LMX1A: variants seen among roughly 807,000 people sequenced by gnomAD.
The protein encoded by LMX1A is LIM homeobox transcription factor 1-alpha.
LMX1A carries 15 observed loss-of-function variants against 49.1 expected under a neutral mutation model. That is an observed-to-expected ratio of 0.31 (90% confidence interval 0.20 to 0.47). The LOEUF (loss-of-function observed/expected upper bound fraction) is 0.47. Ranked by LOEUF, LMX1A falls within the 20% of genes least tolerant of loss-of-function variation. LMX1A has a pLI of 1.00. For synonymous variants in LMX1A, 167 were observed against 185.7 expected (o/e 0.90, Z 0.82); for missense variants, 372 against 475.8 (o/e 0.78, Z 2.03).
chr1:165,318,060 G>A (rs1390686231), intron 3 of LMX1A, among the ~76,000 whole-genome samples: 1 of 152,196 alleles, frequency 6.6e-6, no homozygotes, highest in African/African-American at 2.4e-5. Flanking sequence ...TTGGAGAGAG[G>A]CTGAGGTAAC....
chr1:165,210,146 G>A (rs955599487), intron 6 of LMX1A, among the ~76,000 whole-genome samples: 1 of 152,198 alleles, frequency 6.6e-6, no homozygotes, highest in Non-Finnish European at 1.5e-5. Flanking sequence ...ACAGTCCACA[G>A]GGCACATGTA....
intron 3 of LMX1A, among the ~76,000 whole-genome samples, chr1:165,352,433 C>T (rs1571239154): frequency 1.3e-5 from 2 of 152,350 alleles, no homozygotes; most frequent in Middle Eastern, 3.4e-3. Flanking sequence ...CTAAAAGCCC[C>T]TGCATCCGAG....
At chr1:165,341,141 T>C (rs1656062607) in intron 3 of LMX1A, among the ~76,000 whole-genome samples, 1 of 152,162 alleles carries the variant, frequency 6.6e-6, no homozygotes, top group African/African-American at 2.4e-5. Context: ...CTAACCACAG[T>C]ATGAAACTGA....
intron 4 of LMX1A, among the ~76,000 whole-genome samples, chr1:165,228,438 T>G (rs1476663031): frequency 2.0e-5 from 3 of 152,208 alleles, no homozygotes; most frequent in East Asian, 3.8e-4. Context: ...ATCTAATCAC[T>G]TCTCTGTATT....
chr1:165,215,695 A>C lies in LMX1A; in HGVS notation c.497-1882T>G, dbSNP rs1459392860. Among the ~76,000 whole-genome samples, 3 of 152,162 alleles carry C rather than the reference A, an allele frequency of 2.0e-5. No homozygotes were observed. The East Asian group carries it at 5.8e-4, about 29-fold the overall frequency. ...TCCTTCCACGAACATTTGAACATAC[A>C]AGGTTGAACATGAAGGGAACACTAA... On this transcript the variant is annotated intron_variant, in intron 4 of 8. Coordinates refer to ENST00000342310, the MANE Select transcript of LMX1A (RefSeq NM_177398.4).
In LMX1A at chr1:165,230,859, C is replaced by T. The variant is rs114528208; in HGVS notation, c.497-17046G>A. 7.5e-3 allele frequency among the ~76,000 whole-genome samples: 1,141 copies of T among 152,176 alleles called. 21 individuals are homozygous for T. The highest frequency in any genetic ancestry group is 0.026 in the African/African-American group (1,091 of 41,530). On this transcript the variant is annotated intron_variant, in intron 4 of 8. Transcript: ENST00000342310. ...CATTCCAAGTGTCTGTCACAGGTGG[C>T]GAGAGGAGAAAGGCCCCAGCAGTTC...
intron 3 of LMX1A, among the ~76,000 whole-genome samples, chr1:165,287,742 CA>C (rs1414046707): frequency 6.6e-6 from 1 of 151,964 alleles, no homozygotes; most frequent in East Asian, 1.9e-4. Context: ...ATTCATGTTC[CA>C]AGATGGCTCT....
intron 3 of LMX1A, among the ~76,000 whole-genome samples, chr1:165,299,225 C>T (rs1473293760): frequency 6.6e-6 from 1 of 152,222 alleles, no homozygotes; most frequent in African/African-American, 2.4e-5. Context: ...TAAGCCATTA[C>T]TTCTCTCTGG....
chr1:165,345,322 T>C (rs1656207045), intron 3 of LMX1A, among the ~76,000 whole-genome samples: 1 of 152,202 alleles, frequency 6.6e-6, no homozygotes, highest in African/African-American at 2.4e-5. Flanking sequence ...GCTCTTCTCA[T>C]AGCAGCAGTA....
At chr1:165,246,353 TA>T (rs1270394594) in intron 4 of LMX1A, among the ~76,000 whole-genome samples, 1 of 152,196 alleles carries the variant, frequency 6.6e-6, no homozygotes, top group Non-Finnish European at 1.5e-5. Context: ...TCAGATAAGA[TA>T]TTTGATTCTG....
intron 3 of LMX1A, among the ~76,000 whole-genome samples, chr1:165,349,570 A>C (rs995625382): frequency 6.6e-6 from 1 of 152,100 alleles, no homozygotes; most frequent in African/African-American, 2.4e-5. Context: ...TTCAGTTCTT[A>C]ATTTCTATAC....
At position 165,304,977 on chromosome 1, in the gene LMX1A, G is replaced by A. The variant is rs773492318; in HGVS notation, c.263+48099C>T. ...CTACCTCATGCTCCAGTTATAACCT[G>A]CACATTGTTTCATCACTCTACACTT... On this transcript the variant is annotated intron_variant, in intron 3 of 8. Coordinates refer to ENST00000342310, the MANE Select transcript of LMX1A (RefSeq NM_177398.4). Among the ~76,000 whole-genome samples the A allele has an allele frequency of 2.0e-5, 3 of 152,152 alleles. 1 individual carries two copies. Among genetic ancestry groups the A allele is most frequent in the Non-Finnish European group, 4.4e-5 (3 of 68,024 alleles).
intron 3 of LMX1A, among the ~76,000 whole-genome samples, chr1:165,325,230 C>T (rs1655533182): frequency 6.6e-6 from 1 of 152,152 alleles, no homozygotes; most frequent in Non-Finnish European, 1.5e-5. Context: ...GCCTCCCAGA[C>T]TTGTATAATC....
intron 4 of LMX1A, among the ~76,000 whole-genome samples, chr1:165,224,863 T>C (rs1048298321): frequency 6.6e-6 from 1 of 152,190 alleles, no homozygotes; most frequent in Non-Finnish European, 1.5e-5. Flanking sequence ...GGGATGAAAT[T>C]TATTTCCCTT....
At chr1:165,324,213 G>C (rs951186164) in intron 3 of LMX1A, among the ~76,000 whole-genome samples, 1 of 152,232 alleles carries the variant, frequency 6.6e-6, no homozygotes, top group Non-Finnish European at 1.5e-5. Context: ...GAGGGGCACA[G>C]ACTAGTCAGC....
intron 3 of LMX1A, among the ~76,000 whole-genome samples, chr1:165,283,427 A>G (rs1280389991): frequency 6.6e-6 from 1 of 152,202 alleles, no homozygotes; most frequent in Admixed American, 6.5e-5. Flanking sequence ...CTCATTTTCA[A>G]CATAAAGCTT....
chr1:165,259,591 C>T (rs1466487559), intron 3 of LMX1A, among the ~76,000 whole-genome samples: 2 of 152,156 alleles, frequency 1.3e-5, no homozygotes, highest in Non-Finnish European at 2.9e-5. Context: ...TATCTGACCT[C>T]CTGTCCACCA....
At chr1:165,246,380 T>C (rs1652849779) in intron 4 of LMX1A, among the ~76,000 whole-genome samples, 1 of 152,220 alleles carries the variant, frequency 6.6e-6, no homozygotes, top group South Asian at 2.1e-4. Context: ...GGCTTTAATG[T>C]CACTTCATTT....
chr1:165,223,809 TAA>T (rs34471342), intron 4 of LMX1A, among the ~76,000 whole-genome samples: 36 of 144,878 alleles, frequency 2.5e-4, no homozygotes, highest in East Asian at 1.2e-3. Flanking sequence ...GTACAAACTT[TAA>T]AAAAAAAAAA....
Sources: allele counts gnomAD v4.1 joint callset (sites outside exome capture counted in the v4.1 genomes callset), GRCh38; gene constraint gnomAD v4.1.1; transcripts MANE v1.5; gene names NCBI Gene and HGNC (gene_info 2026-07-23, HGNC 2026-07-21).